Variants in SLC36A4 observed in about 807,000 individuals in gnomAD.
The protein encoded by SLC36A4 is neutral amino acid uniporter 4.
In SLC36A4, 49 loss-of-function variants were observed where a neutral mutation model predicts 50.5. That is an observed-to-expected ratio of 0.97 (90% CI 0.77 to 1.23). SLC36A4 has a LOEUF of 1.23. Ranked by LOEUF, SLC36A4 falls within the 50% of genes most tolerant of loss-of-function variation. The pLI is 0.00. For synonymous variants in SLC36A4, 207 were observed against 206.5 expected (o/e 1.00, Z -0.02); for missense variants, 611 against 608.4 (o/e 1.00, Z -0.05).
chr11:93,174,718 G>C (rs1038908923), intron 6 of SLC36A4, among the ~76,000 whole-genome samples: 13 of 143,234 alleles, frequency 9.1e-5, no homozygotes, highest in African/African-American at 3.1e-4. Flanking sequence ...TGTGGTTTTT[G>C]TCTTTGGCTC....
At position 93,148,683 on chromosome 11, in the gene SLC36A4, C is replaced by A; in HGVS notation, c.1369G>T (p.Ala457Ser). The change falls in exon 11 of 11, where the codon GCA (alanine) becomes TCA (serine). Residue 457 changes from alanine to serine, a missense_variant. By Grantham distance (99) the Ala-to-Ser change is moderately conservative. Coordinates refer to ENST00000326402, the MANE Select transcript of SLC36A4 (RefSeq NM_152313.4). ...IWMVLKNISI[A>S]FTGVVGFLLG... ...AAGAAGCCAACAACTCCAGTGAATG[C>A]TATAGAAATATTTTTCAGGACCATC... is the stretch of plus-strand genomic sequence containing the variant. 1 of 1,612,758 alleles carries A rather than the reference C, an allele frequency of 6.2e-7. No individual in the cohort carries two copies. Among genetic ancestry groups the A allele is most frequent in the Non-Finnish European group, 8.5e-7 (1 of 1,179,300 alleles).
chr11:93,157,473 T>C (rs111626732), intron 9 of SLC36A4, among the ~76,000 whole-genome samples: 10 of 152,332 alleles, frequency 6.6e-5, no homozygotes, highest in African/African-American at 2.2e-4. Context: ...TTCCTATCCA[T>C]GAGCATGGAA....
rs557778659 is a variant in SLC36A4, at chr11:93,145,831, G to A, written c.*2706C>T. Reference sequence around the variant, plus strand: ...CAAGAGCTGGTATAATCGAAATATCGTCTCCAAAATCTTTAGGAAATTTTA... The same window carrying A: ...CAAGAGCTGGTATAATCGAAATATCATCTCCAAAATCTTTAGGAAATTTTA... On this transcript the variant is annotated 3_prime_UTR_variant, in exon 11 of 11. Transcript: ENST00000326402. 3.9e-5 allele frequency: 6 copies of A among 152,062 alleles called. No homozygotes were observed. The East Asian group carries it at 1.2e-3, about 30-fold the overall frequency. The allele number at this position is 152,062 out of a possible 1,614,324, so 9.4% of individuals were successfully genotyped here.
At chr11:93,153,042 T>C (rs1179936123) in intron 10 of SLC36A4, among the ~76,000 whole-genome samples, 1 of 152,142 alleles carries the variant, frequency 6.6e-6, no homozygotes, top group Non-Finnish European at 1.5e-5. Flanking sequence ...ATACATTTTA[T>C]CTACTTTTTC....
chr11:93,178,482 TG>T (rs1471214459), intron 6 of SLC36A4, among the ~76,000 whole-genome samples: 5 of 152,186 alleles, frequency 3.3e-5, no homozygotes, highest in Admixed American at 1.3e-4. Flanking sequence ...CGCTCAAGCT[TG>T]GAGCTGTAGA....
At chr11:93,178,502 G>A (rs930796727) in intron 6 of SLC36A4, among the ~76,000 whole-genome samples, 4 of 152,132 alleles carry the variant, frequency 2.6e-5, no homozygotes, top group African/African-American at 9.7e-5. Context: ...GACTGGCGCT[G>A]TTCCTATTGG....
Position 93,146,475 on chromosome 11 carries a change from T to C in SLC36A4, c.*2062A>G, listed in dbSNP as rs1327502808. ...TAAAGGCTCAGTGTAACAGAATTGA[T>C]ATAAAAGTATCTCAAACAATTACTG... On this transcript the variant is annotated 3_prime_UTR_variant, in exon 11 of 11. Coordinates refer to ENST00000326402, the MANE Select transcript of SLC36A4 (RefSeq NM_152313.4). The C allele has an allele frequency of 1.3e-4, 19 of 151,994 alleles. No homozygotes were observed. The highest frequency in any genetic ancestry group is 2.5e-4 in the Non-Finnish European group (17 of 67,944). 9.4% of individuals were successfully genotyped at this position (151,994 alleles called of 1,614,324 possible). A position where few individuals can be genotyped will look rare whatever the true frequency, so the allele number is the denominator to read the frequency against.
chr11:93,150,815 C>T (rs1274225722), intron 10 of SLC36A4, among the ~76,000 whole-genome samples: 1 of 152,002 alleles, frequency 6.6e-6, no homozygotes, highest in Non-Finnish European at 1.5e-5. Context: ...GTTTCACCTA[C>T]TTATAGTAAG....
chr11:93,181,628 T>A, intron 5 of SLC36A4, 63 bp downstream of exon 5: 2 of 1,230,566 alleles, frequency 1.6e-6, no homozygotes, highest in African/African-American at 1.6e-5. Context: ...TATTGTTAGG[T>A]TAAAATACTT....
At chr11:93,189,099 G>C (rs1862106879) in intron 1 of SLC36A4, among the ~76,000 whole-genome samples, 1 of 145,860 alleles carries the variant, frequency 6.9e-6, no homozygotes, top group Non-Finnish European at 1.5e-5. Flanking sequence ...TTTTGCTCTT[G>C]TTGACCAGGC....
At chr11:93,159,686 T>C in intron 9 of SLC36A4, 1 of 404,676 alleles carries the variant, frequency 2.5e-6, no homozygotes, top group Non-Finnish European at 3.3e-6. Flanking sequence ...TTAAAATACA[T>C]TCTTTACTTC....
At chr11:93,176,771 T>C (rs1193914635) in intron 6 of SLC36A4, among the ~76,000 whole-genome samples, 1 of 152,234 alleles carries the variant, frequency 6.6e-6, no homozygotes, top group Non-Finnish European at 1.5e-5. Context: ...ATGTTGAATA[T>C]TGGACCCCAC....
intron 1 of SLC36A4, among the ~76,000 whole-genome samples, chr11:93,193,362 C>T (rs1324478194): frequency 6.6e-6 from 1 of 152,128 alleles, no homozygotes; most frequent in African/African-American, 2.4e-5. Flanking sequence ...TTACATTACA[C>T]ATAATGTCTA....
intron 6 of SLC36A4, among the ~76,000 whole-genome samples, chr11:93,175,577 G>A (rs1861422572): frequency 8.5e-6 from 1 of 117,924 alleles, no homozygotes; most frequent in Non-Finnish European, 2.0e-5. Flanking sequence ...TTTCTCTTGT[G>A]GGCATTTAGT....
chr11:93,163,775 C>T (rs1590945107), intron 8 of SLC36A4, among the ~76,000 whole-genome samples: 1 of 150,372 alleles, frequency 6.7e-6, no homozygotes, highest in Admixed American at 6.7e-5. Flanking sequence ...CTAGGATTCT[C>T]ATGTATGTAT....
intron 6 of SLC36A4, among the ~76,000 whole-genome samples, chr11:93,178,036 C>T (rs921011004): frequency 7.2e-5 from 11 of 152,198 alleles, no homozygotes; most frequent in Admixed American, 1.3e-4. Context: ...TCGAGCTTCC[C>T]GGCCACTTTG....
At chr11:93,197,444 A>G (rs1232019590) in intron 1 of SLC36A4, 1 of 438,846 alleles carries the variant, frequency 2.3e-6, no homozygotes, top group Non-Finnish European at 4.1e-6. Flanking sequence ...TTAAAGCATC[A>G]TTGGGAAAAA....
intron 6 of SLC36A4, among the ~76,000 whole-genome samples, chr11:93,176,174 G>A (rs1345038258): frequency 6.6e-6 from 1 of 151,998 alleles, no homozygotes; most frequent in Non-Finnish European, 1.5e-5. Flanking sequence ...AGCTCTTCTT[G>A]TTGAATTGAT....
chr11:93,170,774 C>T (rs1355609584), intron 6 of SLC36A4, among the ~76,000 whole-genome samples: 1 of 151,956 alleles, frequency 6.6e-6, no homozygotes, highest in Non-Finnish European at 1.5e-5. Flanking sequence ...CTAGACTTAT[C>T]AGAAGCACTA....
Sources: gnomAD v4.1 joint callset for allele counts (sites outside exome capture counted in the v4.1 genomes callset) on GRCh38, gnomAD v4.1.1 for gene constraint, MANE v1.5 for transcripts, NCBI Gene and HGNC (gene_info 2026-07-23, HGNC 2026-07-21) for gene names.